The following GPR63 variants were observed in gnomAD, a reference collection of about 807,000 sequenced individuals.
GPR63 encodes the protein G protein-coupled receptor 63, also known as probable G protein-coupled receptor 63.
A neutral mutation model predicts 23.1 loss-of-function variants in GPR63; 12 were observed. That is an observed-to-expected ratio of 0.52 (90% CI 0.33 to 0.84). The LOEUF is 0.84. Among genes scored for constraint, GPR63 ranks in the 40% least tolerant of loss-of-function variants. GPR63 has a pLI of 0.02. For missense variants in GPR63, 472 were observed against 515.6 expected (o/e 0.92, Z 0.82); for synonymous variants, 172 against 191.1 (o/e 0.90, Z 0.82).
intron 1 of GPR63, among the ~76,000 whole-genome samples, chr6:96,815,548 C>T (rs1774143883): frequency 6.6e-6 from 1 of 152,108 alleles, no homozygotes; most frequent in Non-Finnish European, 1.5e-5. Flanking sequence ...CTTTAATATA[C>T]ATTAAGAGGA....
chr6:96,826,907 T>C (rs1448850265), intron 1 of GPR63, among the ~76,000 whole-genome samples: 1 of 151,440 alleles, frequency 6.6e-6, no homozygotes, highest in African/African-American at 2.4e-5. Context: ...CAAACAGAAA[T>C]CTGATTTAAA....
chr6:96,819,974 C>CAAAA lies in GPR63; in HGVS notation c.-151+17290_-151+17293dup, dbSNP rs367728329. Among the ~76,000 whole-genome samples, 530 of 85,244 alleles carry CAAAA rather than the reference C, an allele frequency of 6.2e-3. 11 individuals carry two copies. The highest frequency in any genetic ancestry group is 0.028 in the East Asian group (85 of 3,062). 55.9% of individuals were successfully genotyped at this position (85,244 alleles called of 152,430 possible). A position where few individuals can be genotyped will look rare whatever the true frequency, so the allele number is the denominator to read the frequency against. On this transcript the variant is annotated intron_variant, in intron 1 of 1. Coordinates refer to ENST00000229955, the MANE Select transcript of GPR63 (RefSeq NM_030784.4). ...TGGGCAACACAGCGAGACTCTGTCTCAAAAAAAAAAAAAAAAAACAAACAA... is the reference window on the plus strand; with the variant it reads ...TGGGCAACACAGCGAGACTCTGTCTCAAAAAAAAAAAAAAAAAAAAAACAAACAA...
In GPR63 at chr6:96,798,617, T is replaced by A; in HGVS notation, c.1115A>T (p.Tyr372Phe). 6.2e-7 allele frequency: 1 copy of A among 1,614,172 alleles called. No homozygotes were observed. Among genetic ancestry groups the A allele is most frequent in the Non-Finnish European group, 8.5e-7 (1 of 1,180,018 alleles). The change falls in exon 2 of 2, where the codon TAC becomes TTC. Residue 372 changes from tyrosine to phenylalanine, a missense_variant. Tyr to Phe is a conservative substitution (Grantham distance 22, BLOSUM62 3). Coordinates refer to ENST00000229955, the MANE Select transcript of GPR63 (RefSeq NM_030784.4). ...LKSALNPLIYYWRIKKFHDAC... is the reference protein window; with the variant it reads ...LKSALNPLIYFWRIKKFHDAC... ...ATCATGGAATTTCTTAATCCTCCAGTAGTAGATCAGCGGATTCAATGCAGA... is the reference window on the plus strand; with the variant it reads ...ATCATGGAATTTCTTAATCCTCCAGAAGTAGATCAGCGGATTCAATGCAGA...
intron 1 of GPR63, among the ~76,000 whole-genome samples, chr6:96,832,468 T>G (rs892954264): frequency 2.6e-5 from 4 of 151,210 alleles, no homozygotes; most frequent in Non-Finnish European, 5.9e-5. Flanking sequence ...AGACGGGGTC[T>G]CCTCATATTT....
chr6:96,798,769 A>G lies in GPR63; in HGVS notation c.963T>C (p.Ala321=). Residue 321 remains alanine (A), a synonymous_variant, in exon 2 of 2, where the codon GCT becomes GCC. Transcript: ENST00000229955. ...ATGGGGCCCAGCAGACAATGAAGAC[A>G]GCAAAGAGAATCAAAATAGTGGTGA... ...RAFTTILILF[A]VFIVCWAPFT... 1 of 1,614,204 alleles carries G rather than the reference A, an allele frequency of 6.2e-7. No homozygotes were observed. The highest frequency in any genetic ancestry group is 1.1e-5 in the South Asian group (1 of 91,086).
chr6:96,827,527 T>G (rs978949055), intron 1 of GPR63, among the ~76,000 whole-genome samples: 4 of 152,096 alleles, frequency 2.6e-5, no homozygotes, highest in Non-Finnish European at 4.4e-5. Context: ...GTAGCCTATC[T>G]AATGCCAAAT....
At chr6:96,813,508 C>T (rs1774093071) in intron 1 of GPR63, among the ~76,000 whole-genome samples, 1 of 152,080 alleles carries the variant, frequency 6.6e-6, no homozygotes, top group Non-Finnish European at 1.5e-5. Context: ...ACTTTTATTC[C>T]ATTGTCATCT....
rs765988637 is a variant in GPR63, at chr6:96,799,548, T to G, written c.184A>C (p.Asn62His). Residue 62 changes from asparagine to histidine, a missense_variant, in exon 2 of 2, where the codon AAT becomes CAT. By Grantham distance (68) the Asn-to-His change is moderately conservative. Coordinates refer to ENST00000229955, the MANE Select transcript of GPR63 (RefSeq NM_030784.4). ...GGTGTTGTGGGCACAGCTGTACTATTCACGGTCAAGGAACTCAAACCAGTG... is the reference window on the plus strand; with the variant it reads ...GGTGTTGTGGGCACAGCTGTACTATGCACGGTCAAGGAACTCAAACCAGTG... ...APTGLSSLTVNSTAVPTTPAA... is the reference protein window; with the variant it reads ...APTGLSSLTVHSTAVPTTPAA... 1 of 1,614,080 alleles carries G rather than the reference T, an allele frequency of 6.2e-7. No individual in the cohort carries two copies. Among genetic ancestry groups the G allele is most frequent in the Non-Finnish European group, 8.5e-7 (1 of 1,180,026 alleles).
chr6:96,807,379 C>T (rs1452970238), intron 1 of GPR63, among the ~76,000 whole-genome samples: 4 of 152,202 alleles, frequency 2.6e-5, no homozygotes, highest in African/African-American at 4.8e-5. Flanking sequence ...AAAACTAAAC[C>T]TATTGAAAAT....
rs1187554812 is a variant in GPR63 at position 96,795,781 on chromosome 6, CT to C, written c.*2690del. 6.6e-6 allele frequency: 1 copy of C among 152,172 alleles called. No individual in the cohort carries two copies. The highest frequency in any genetic ancestry group is 1.5e-5 in the Non-Finnish European group (1 of 68,046). 9.4% of individuals were successfully genotyped at this position (152,172 alleles called of 1,614,324 possible). Reference sequence around the variant, plus strand: ...GTAAGATGAATACAGATCATGCTGACTTTCCTCAGAGAAAAGTCTAATAAAA... The same window carrying C: ...GTAAGATGAATACAGATCATGCTGACTTCCTCAGAGAAAAGTCTAATAAAA... On this transcript the variant is annotated 3_prime_UTR_variant, in exon 2 of 2. Coordinates refer to ENST00000229955, the MANE Select transcript of GPR63 (RefSeq NM_030784.4).
At chr6:96,835,006 T>C (rs934811325) in intron 1 of GPR63, among the ~76,000 whole-genome samples, 3 of 152,200 alleles carry the variant, frequency 2.0e-5, no homozygotes, top group East Asian at 3.8e-4. Context: ...AAACACTATA[T>C]TGACAAACTA....
chr6:96,817,142 A>G (rs1418029001), intron 1 of GPR63, among the ~76,000 whole-genome samples: 3 of 152,172 alleles, frequency 2.0e-5, no homozygotes, highest in African/African-American at 7.2e-5. Flanking sequence ...CAACAAATTG[A>G]TAAGAAAAAG....
chr6:96,794,315 A>G lies in GPR63; in HGVS notation c.*4157T>C, dbSNP rs1404319346. 1 of 152,144 alleles carries G rather than the reference A, an allele frequency of 6.6e-6. No homozygotes were observed. Among genetic ancestry groups the G allele is most frequent in the Non-Finnish European group, 1.5e-5 (1 of 68,004 alleles). The allele number at this position is 152,144 out of a possible 1,614,324, so 9.4% of individuals were successfully genotyped here. A position where few individuals can be genotyped will look rare whatever the true frequency, so the allele number is the denominator to read the frequency against. ...TTAATTACAAAGGTCTAGTACCAAT[A>G]GATATCTAAGAAATGTATAATTTAC... On this transcript the variant is annotated 3_prime_UTR_variant, in exon 2 of 2. Coordinates refer to ENST00000229955, the MANE Select transcript of GPR63 (RefSeq NM_030784.4).
At chr6:96,811,081 G>A (rs1222897059) in intron 1 of GPR63, among the ~76,000 whole-genome samples, 1 of 152,158 alleles carries the variant, frequency 6.6e-6, no homozygotes, top group Non-Finnish European at 1.5e-5. Context: ...CAGGACCTGG[G>A]TTCAAGCTTC....
chr6:96,805,822 A>T (rs373565332), intron 1 of GPR63, among the ~76,000 whole-genome samples: 1 of 152,232 alleles, frequency 6.6e-6, no homozygotes, highest in Admixed American at 6.5e-5. Context: ...ACTTGCAAGA[A>T]GAAGGTGATC....
At chr6:96,816,699 T>C (rs748020027) in intron 1 of GPR63, among the ~76,000 whole-genome samples, 4 of 152,232 alleles carry the variant, frequency 2.6e-5, no homozygotes, top group South Asian at 2.1e-4. Context: ...AAGTGGCAGC[T>C]GAAAGGATTA....
At chr6:96,815,731 T>A (rs188391453) in intron 1 of GPR63, among the ~76,000 whole-genome samples, 1 of 152,324 alleles carries the variant, frequency 6.6e-6, no homozygotes, top group East Asian at 1.9e-4. Flanking sequence ...TTTTTGTATA[T>A]CATATATATC....
chr6:96,803,459 T>C (rs1424302186), intron 1 of GPR63, among the ~76,000 whole-genome samples: 2 of 152,238 alleles, frequency 1.3e-5, no homozygotes, highest in African/African-American at 4.8e-5. Flanking sequence ...AGCATTTTTG[T>C]AGTTAAACAT....
chr6:96,803,640 C>T (rs1441010787), intron 1 of GPR63, among the ~76,000 whole-genome samples: 1 of 152,192 alleles, frequency 6.6e-6, no homozygotes, highest in Non-Finnish European at 1.5e-5. Flanking sequence ...ATAACCAAAG[C>T]AGTGCTCTTG....
Sources: gnomAD v4.1 joint callset for allele counts (sites outside exome capture counted in the v4.1 genomes callset) on GRCh38, gnomAD v4.1.1 for gene constraint, MANE v1.5 for transcripts, NCBI Gene and HGNC (gene_info 2026-07-23, HGNC 2026-07-21) for gene names.